AKAP6: variants seen among roughly 807,000 people sequenced by gnomAD.
The protein encoded by AKAP6 is A-kinase anchoring protein 6.
A neutral mutation model predicts 188.5 loss-of-function variants in AKAP6; 58 were observed. The observed-to-expected ratio is 0.31, with a 90% confidence interval of 0.25 to 0.38. The LOEUF (loss-of-function observed/expected upper bound fraction) is 0.38, where lower values mean the gene tolerates loss of function less well. Among genes scored for constraint, AKAP6 ranks in the 10% least tolerant of loss-of-function variants. The probability of loss-of-function intolerance (pLI) is 1.00; values close to 1 mark genes in which losing one functional copy is unlikely to be tolerated. For missense variants in AKAP6, 2,710 were observed against 2,740.0 expected, an observed-to-expected ratio of 0.99 and a Z score of 0.24; for synonymous variants, 989 against 998.6, an observed-to-expected ratio of 0.99 and a Z score of 0.18.
chr14:32,397,667 GAATT>G (rs1369138801), intron 1 of AKAP6, among the ~76,000 whole-genome samples: 1 of 152,118 alleles, frequency 6.6e-6, no homozygotes, highest in Admixed American at 6.5e-5. Flanking sequence ...CAGTAATGCA[GAATT>G]AACTCACTGG....
At position 32,332,641 on chromosome 14, in the gene AKAP6, G is replaced by A. The variant is rs1026024463; in HGVS notation, c.-35+3233G>A. Among the ~76,000 whole-genome samples, 23 of 152,052 alleles carry A rather than the reference G, an allele frequency of 1.5e-4. 1 individual carries two copies. The highest frequency in any genetic ancestry group is 2.6e-4 in the Admixed American group (4 of 15,234). ...TAAACCTGTCTTATCAGCTATATTT[G>A]TGGTGCTTTGTTAACTTTAAGATGT... On this transcript the variant is annotated intron_variant, in intron 1 of 13. Transcript: ENST00000280979.
At chr14:32,829,141 C>G (rs2034758381) in intron 13 of AKAP6, among the ~76,000 whole-genome samples, 1 of 152,120 alleles carries the variant, frequency 6.6e-6, no homozygotes, top group Admixed American at 6.5e-5. Context: ...TTGCTTTTAG[C>G]CATTTAGAAA....
chr14:32,380,797 C>T (rs1888329857), intron 1 of AKAP6, among the ~76,000 whole-genome samples: 1 of 152,150 alleles, frequency 6.6e-6, no homozygotes, highest in Non-Finnish European at 1.5e-5. Context: ...CACTTGTAGT[C>T]AGTTATAGAG....
At chr14:32,433,918 G>T in intron 2 of AKAP6, 101 bp downstream of exon 2, 1 of 1,097,200 alleles carries the variant, frequency 9.1e-7, no homozygotes, top group Non-Finnish European at 1.3e-6. Context: ...TGTCCAGGAA[G>T]AAAAGCACAG....
chr14:32,393,164 A>G (rs1037801151), intron 1 of AKAP6, among the ~76,000 whole-genome samples: 1 of 152,148 alleles, frequency 6.6e-6, no homozygotes, highest in African/African-American at 2.4e-5. Flanking sequence ...AGCCTGGCAG[A>G]CACCCCATAA....
intron 2 of AKAP6, among the ~76,000 whole-genome samples, chr14:32,465,736 T>C (rs1878376405): frequency 6.6e-6 from 1 of 152,120 alleles, no homozygotes; most frequent in Non-Finnish European, 1.5e-5. Context: ...ACAAATGGGA[T>C]CTAATCAAAC....
chr14:32,598,067 A>G (rs1210531575), intron 5 of AKAP6, among the ~76,000 whole-genome samples: 1 of 152,178 alleles, frequency 6.6e-6, no homozygotes, highest in Non-Finnish European at 1.5e-5. Flanking sequence ...AGCACAGTGT[A>G]TAGAATGGGC....
At chr14:32,450,423 A>G (rs1890900479) in intron 2 of AKAP6, among the ~76,000 whole-genome samples, 1 of 152,146 alleles carries the variant, frequency 6.6e-6, no homozygotes, top group Non-Finnish European at 1.5e-5. Flanking sequence ...GGTTTTGGTC[A>G]TTAAAACACA....
intron 4 of AKAP6, among the ~76,000 whole-genome samples, chr14:32,574,446 A>G (rs1374592203): frequency 6.6e-6 from 1 of 152,168 alleles, no homozygotes; most frequent in Non-Finnish European, 1.5e-5. Context: ...CTATGTAATC[A>G]TGGTTCTGTT....
intron 6 of AKAP6, among the ~76,000 whole-genome samples, chr14:32,599,985 T>G (rs1885858286): frequency 6.6e-6 from 1 of 152,240 alleles, no homozygotes; most frequent in Non-Finnish European, 1.5e-5. Flanking sequence ...AGCAGAGTTT[T>G]TGGCCTTCAA....
At chr14:32,650,226 C>T (rs75172739) in intron 7 of AKAP6, among the ~76,000 whole-genome samples, 45,028 of 151,724 alleles carry the variant, frequency 0.3, 8,535 homozygotes, top group East Asian at 0.84. Context: ...CTGCTTCCCC[C>T]TAATTCACCT....
At chr14:32,528,897 T>G (rs1234232538) in intron 2 of AKAP6, among the ~76,000 whole-genome samples, 1 of 152,096 alleles carries the variant, frequency 6.6e-6, no homozygotes, top group Non-Finnish European at 1.5e-5. Flanking sequence ...AGGCTTGTCT[T>G]AAACTCCTGA....
chr14:32,680,230 G>C (rs1483217495), intron 8 of AKAP6, among the ~76,000 whole-genome samples: 2 of 152,148 alleles, frequency 1.3e-5, no homozygotes, highest in Non-Finnish European at 2.9e-5. Context: ...AGAAATTTAA[G>C]AGTGCACTGA....
chr14:32,406,399 G>A (rs780663745), intron 1 of AKAP6, among the ~76,000 whole-genome samples: 48 of 152,060 alleles, frequency 3.2e-4, no homozygotes, highest in Non-Finnish European at 6.2e-4. Context: ...TAGTAGAGAC[G>A]GGGTTTCCCT....
At position 32,829,617 on chromosome 14, in the gene AKAP6, T is replaced by TTA. The variant is rs34902169; in HGVS notation, c.*43-231_*43-230insTA. Among the ~76,000 whole-genome samples, 371 of 147,476 alleles carry TTA rather than the reference T, an allele frequency of 2.5e-3. 1 individual carries two copies. Among genetic ancestry groups the TTA allele is most frequent in the Non-Finnish European group, 3.8e-3 (257 of 66,816 alleles). ...TGTTTTCTTTGAAACCACGTCTTTT[T>TTA]AAAAAAAAAAAAAAATCAATGTATT... is the stretch of plus-strand genomic sequence containing the variant. On this transcript the variant is annotated intron_variant, in intron 13 of 13. Transcript: ENST00000280979.
intron 4 of AKAP6, 79 bp downstream of exon 4, chr14:32,547,078 C>G: frequency 7.7e-7 from 1 of 1,292,886 alleles, no homozygotes. Context: ...CACTCCTACA[C>G]TCTATTATAA....
At chr14:32,451,490 T>C (rs1008652684) in intron 2 of AKAP6, among the ~76,000 whole-genome samples, 6 of 152,202 alleles carry the variant, frequency 3.9e-5, no homozygotes, top group African/African-American at 1.4e-4. Context: ...AGCATAGTTA[T>C]GCCAAAGTAC....
intron 1 of AKAP6, among the ~76,000 whole-genome samples, chr14:32,406,648 A>G (rs907842914): frequency 6.6e-6 from 1 of 152,158 alleles, no homozygotes; most frequent in African/African-American, 2.4e-5. Flanking sequence ...TCAGTTTATT[A>G]TTGTTTTACA....
At chr14:32,338,526 T>C (rs1363016620) in intron 1 of AKAP6, among the ~76,000 whole-genome samples, 4 of 152,084 alleles carry the variant, frequency 2.6e-5, no homozygotes, top group African/African-American at 9.7e-5. Context: ...AGCAAGAGAT[T>C]AGTGGTAGGG....
Sources: gnomAD v4.1 joint callset for allele counts (sites outside exome capture counted in the v4.1 genomes callset) on GRCh38, gnomAD v4.1.1 for gene constraint, MANE v1.5 for transcripts, NCBI Gene and HGNC (gene_info 2026-07-23, HGNC 2026-07-21) for gene names.